The following FUBP3 variants were observed in gnomAD, a reference collection of about 807,000 sequenced individuals.
FUBP3 encodes the protein far upstream element binding protein 3.
Under a neutral mutation model 85.6 loss-of-function variants are expected in FUBP3, and 28 were observed. The ratio of observed to expected loss-of-function variants is 0.33; its 90% CI spans 0.24 to 0.45. FUBP3 has a LOEUF of 0.45. Among genes scored for constraint, FUBP3 ranks in the 20% least tolerant of loss-of-function variants. The pLI, the probability that FUBP3 is intolerant of heterozygous loss-of-function variation, is 1.00. For synonymous variants in FUBP3, 271 were observed against 271.4 expected (o/e 1.00, Z 0.01); for missense variants, 583 against 755.1 (o/e 0.77, Z 2.67).
chr9:130,630,602 T>C (rs1412288305), intron 12 of FUBP3, 26 bp from the exon 13 acceptor site: 2 of 1,557,716 alleles, frequency 1.3e-6, no homozygotes, highest in African/African-American at 1.4e-5. Context: ...CTGCTTACTC[T>C]TCTGCCTGTG....
rs1831648743 is a variant in FUBP3 at position 130,609,822 on chromosome 9, A to G, written c.191-132A>G. ...TATAACGCATTCATTTCAGCCACTGAGCCTAAATTACTGTTTGCTTTCTTT... is the reference window on the plus strand; with the variant it reads ...TATAACGCATTCATTTCAGCCACTGGGCCTAAATTACTGTTTGCTTTCTTT... On this transcript the variant is annotated intron_variant, in intron 2 of 18. Coordinates refer to ENST00000319725, the MANE Select transcript of FUBP3 (RefSeq NM_003934.2). 8.5e-6 allele frequency: 6 copies of G among 709,384 alleles called. No homozygotes were observed. The Admixed American group carries it at 1.1e-4, about 13-fold the overall frequency. The allele number at this position is 709,384 out of a possible 1,614,324, so 43.9% of individuals were successfully genotyped here. A position where few individuals can be genotyped will look rare whatever the true frequency, so the allele number is the denominator to read the frequency against.
At position 130,589,677 on chromosome 9, in the gene FUBP3, A is replaced by ATGTG. The variant is rs1564190773; in HGVS notation, c.85-5805_85-5804insGTGT. Reference sequence around the variant, plus strand: ...TTTAAATATGTATGTATGTGTGTGTATATATATATATATATATATATATAT... The same window carrying ATGTG: ...TTTAAATATGTATGTATGTGTGTGTATGTGTATATATATATATATATATATATAT... On this transcript the variant is annotated intron_variant, in intron 1 of 18. Transcript: ENST00000319725. Among the ~76,000 whole-genome samples, 9 of 22,924 alleles carry ATGTG rather than the reference A, an allele frequency of 3.9e-4. No individual in the cohort carries two copies. The East Asian group carries it at 7.3e-3, about 19-fold the overall frequency. 15.0% of individuals were successfully genotyped at this position (22,924 alleles called of 152,430 possible).
chr9:130,583,923 G>A (rs548977902), intron 1 of FUBP3, among the ~76,000 whole-genome samples: 1 of 152,168 alleles, frequency 6.6e-6, no homozygotes, highest in Admixed American at 6.5e-5. Context: ...TTGGGGTAGA[G>A]ACAGGGTCTC....
At chr9:130,583,937 A>G (rs531397632) in intron 1 of FUBP3, among the ~76,000 whole-genome samples, 28 of 152,140 alleles carry the variant, frequency 1.8e-4, no homozygotes, top group African/African-American at 6.5e-4. Context: ...GGGTCTCACT[A>G]TGTTGCCCAG....
intron 1 of FUBP3, among the ~76,000 whole-genome samples, chr9:130,586,382 G>A (rs570205159): frequency 2.0e-5 from 3 of 152,254 alleles, no homozygotes; most frequent in African/African-American, 7.2e-5. Context: ...GATAGGACCA[G>A]GGCTATTAAT....
At position 130,616,152 on chromosome 9, in the gene FUBP3, T is replaced by C. The variant is rs187240305; in HGVS notation, c.405-203T>C. Among the ~76,000 whole-genome samples the C allele has an allele frequency of 1.2e-3, 183 of 152,272 alleles. 1 individual carries two copies. Among genetic ancestry groups the C allele is most frequent in the African/African-American group, 4.1e-3 (169 of 41,568 alleles). On this transcript the variant is annotated intron_variant, in intron 6 of 18. Coordinates refer to ENST00000319725, the MANE Select transcript of FUBP3 (RefSeq NM_003934.2). This position sits in a 1 kb window ranked among gnomAD's most constrained non-coding sequence, Gnocchi z 4.7. ...AGGCTCTGTGTCACAGCGTTGGTACTGTGGTGTGTGTTGCTTTTAAATTCC... is the reference window on the plus strand; with the variant it reads ...AGGCTCTGTGTCACAGCGTTGGTACCGTGGTGTGTGTTGCTTTTAAATTCC...
At chr9:130,603,364 A>AAAC in intron 2 of FUBP3, among the ~76,000 whole-genome samples, 1 of 146,158 alleles carries the variant, frequency 6.8e-6, no homozygotes. Flanking sequence ...AAAAAAAAAA[A>AAAC]AAAACAAATA....
intron 9 of FUBP3, among the ~76,000 whole-genome samples, chr9:130,621,042 G>A (rs1452824316): frequency 6.6e-6 from 1 of 152,182 alleles, no homozygotes; most frequent in Admixed American, 6.5e-5. Context: ...ATGATGAAAT[G>A]TTTTGGATAT....
rs114183585 is a variant in FUBP3, at chr9:130,633,019, C to T, written c.1510+741C>T. ...CTGCAGATTCCCACAGCACCCAGGC[C>T]GCAGGCCCCGCCTCACAGCCTGGCT... On this transcript the variant is annotated intron_variant, in intron 16 of 18. Transcript: ENST00000319725. Among the ~76,000 whole-genome samples the T allele has an allele frequency of 6.0e-3, 913 of 152,360 alleles. 13 individuals are homozygous for T. Among genetic ancestry groups the T allele is most frequent in the African/African-American group, 0.021 (861 of 41,574 alleles).
intron 16 of FUBP3, among the ~76,000 whole-genome samples, chr9:130,632,677 G>C (rs995501282): frequency 2.6e-5 from 4 of 152,152 alleles, no homozygotes; most frequent in Admixed American, 6.5e-5. Flanking sequence ...CCCCTGCCTT[G>C]GGTGGCTGCC....
chr9:130,634,574 G>T, intron 16 of FUBP3, 93 bp from the exon 17 acceptor site: 1 of 963,906 alleles, frequency 1.0e-6, no homozygotes, highest in Admixed American at 2.1e-5. Context: ...GGAGCGAGGT[G>T]GAGGAGTGCA....
chr9:130,591,009 G>GTTTTTTTTT (rs905903196), intron 1 of FUBP3, among the ~76,000 whole-genome samples: 1 of 82,364 alleles, frequency 1.2e-5, no homozygotes, highest in African/African-American at 4.7e-5. Flanking sequence ...GTTTTTGTTT[G>GTTTTTTTTT]TTTTTGTTTT....
intron 10 of FUBP3, 87 bp downstream of exon 10, chr9:130,622,897 A>G: frequency 1.7e-6 from 1 of 603,428 alleles, no homozygotes; most frequent in Non-Finnish European, 2.9e-6. Flanking sequence ...CTTACAAAAC[A>G]AGGGCTTGGC....
At chr9:130,636,191 T>G (rs760142258) in intron 18 of FUBP3, 65 bp downstream of exon 18, 2 of 1,519,424 alleles carry the variant, frequency 1.3e-6, no homozygotes, top group South Asian at 2.2e-5. Context: ...CCAAGCCTTC[T>G]GTGTTTCCTG....
intron 2 of FUBP3, among the ~76,000 whole-genome samples, chr9:130,596,153 T>C: frequency 6.6e-6 from 1 of 152,220 alleles, no homozygotes; most frequent in Non-Finnish European, 1.5e-5. Flanking sequence ...TTGAGAACAC[T>C]TAGAAGTGCC....
At chr9:130,606,469 G>A (rs1831441963) in intron 2 of FUBP3, among the ~76,000 whole-genome samples, 1 of 152,190 alleles carries the variant, frequency 6.6e-6, no homozygotes, top group Non-Finnish European at 1.5e-5. Context: ...GTGCTGTCGT[G>A]AAGGAGGAAT....
intron 1 of FUBP3, among the ~76,000 whole-genome samples, chr9:130,588,789 C>T (rs189138748): frequency 6.6e-6 from 1 of 152,284 alleles, no homozygotes; most frequent in East Asian, 1.9e-4. Context: ...TGGGACCTGC[C>T]CCTGCGGCCC....
chr9:130,595,450 T>TTACTGAGTG, intron 1 of FUBP3, 33 bp from the exon 2 acceptor site: 1 of 1,012,802 alleles, frequency 9.9e-7, no homozygotes, highest in South Asian at 1.3e-5. Flanking sequence ...CCATGGTTTG[T>TTACTGAGTG]TACTGAGTGT....
In FUBP3 at chr9:130,612,334, A is replaced by G. The variant is rs1831789671; in HGVS notation, c.225-122A>G. ...AGGTGGTGGTGGATTTGTTGGCCAA[A>G]TTGGCCTGATGTATTTTAAGCTTTT... On this transcript the variant is annotated intron_variant, in intron 3 of 18. Coordinates refer to ENST00000319725, the MANE Select transcript of FUBP3 (RefSeq NM_003934.2). This position sits in a 1 kb window ranked among gnomAD's most constrained non-coding sequence, Gnocchi z 4.1. The G allele has an allele frequency of 3.1e-6, 2 of 650,078 alleles. No individual in the cohort carries two copies. Among genetic ancestry groups the G allele is most frequent in the Admixed American group, 6.0e-5 (2 of 33,482 alleles). 40.3% of individuals were successfully genotyped at this position (650,078 alleles called of 1,614,324 possible).
Sources: gnomAD v4.1 joint callset for allele counts (sites outside exome capture counted in the v4.1 genomes callset) on GRCh38, gnomAD v4.1.1 for gene constraint, Gnocchi (gnomAD v3.1) non-coding constraint, MANE v1.5 for transcripts, NCBI Gene and HGNC (gene_info 2026-07-23, HGNC 2026-07-21) for gene names.